Variants in HEY2 observed in about 807,000 individuals in gnomAD.
HEY2 encodes hairy/enhancer-of-split related with YRPW motif protein 2.
A neutral mutation model predicts 18.1 loss-of-function variants in HEY2; 10 were observed. The ratio of observed to expected loss-of-function variants is 0.55; its 90% CI spans 0.34 to 0.94. HEY2 has a LOEUF of 0.94. Among genes scored for constraint, HEY2 ranks in the 40% least tolerant of loss-of-function variants. The pLI is 0.02. For synonymous variants in HEY2, 210 were observed against 182.7 expected (o/e 1.15, Z -1.21); for missense variants, 455 against 455.9 (o/e 1.00, Z 0.02).
rs1011191373 is a variant in HEY2, at chr6:125,760,158, G to T, written c.*356G>T. On this transcript the variant is annotated 3_prime_UTR_variant, in exon 5 of 5. Transcript: ENST00000368364. ...GACTGAATTCTCTTGAGACTAGATGGGACATACATATATAGAGAGAGAGTG... is the reference window on the plus strand; with the variant it reads ...GACTGAATTCTCTTGAGACTAGATGTGACATACATATATAGAGAGAGAGTG... 3.3e-5 allele frequency: 9 copies of T among 275,868 alleles called. No homozygotes were observed. The highest frequency in any genetic ancestry group is 6.2e-5 in the Non-Finnish European group (9 of 145,078). 17.1% of individuals were successfully genotyped at this position (275,868 alleles called of 1,614,324 possible).
rs749983444 is a variant in HEY2 at position 125,759,771 on chromosome 6, G to T, written c.983G>T (p.Arg328Leu). 6.2e-7 allele frequency: 1 copy of T among 1,613,902 alleles called. No homozygotes were observed. Among genetic ancestry groups the T allele is most frequent in the Admixed American group, 1.7e-5 (1 of 60,012 alleles). ...AGTGGAACAAACAATAAACCTTACC[G>T]ACCCTGGGGGACAGAAGTTGGAGCT... ...TSSGTNNKPYRPWGTEVGAF is the reference protein window; with the variant it reads ...TSSGTNNKPYLPWGTEVGAF Residue 328 changes from arginine (R) to leucine (L), a missense_variant, in exon 5 of 5, where the codon CGA becomes CTA. By Grantham distance (102) the Arg-to-Leu change is moderately radical. Transcript: ENST00000368364.
Position 125,759,364 on chromosome 6 carries a change from G to T in HEY2, c.576G>T (p.Leu192=). The T allele has an allele frequency of 1.9e-6, 3 of 1,605,352 alleles. No homozygotes were observed. The East Asian group carries it at 6.7e-5, about 36-fold the overall frequency. ...ACTGGGCCGCCGCCTTCCACCACCT[G>T]CCCGCAGCCCTGCTCCAGCCCAACG... ...PHHWAAAFHH[L]PAALLQPNGL... is the part of the protein sequence containing the mutation. Residue 192 remains leucine, a synonymous_variant, in exon 5 of 5, where the codon CTG becomes CTT. Transcript: ENST00000368364.
In HEY2 at chr6:125,754,495, T is replaced by C. The variant is rs775787936; in HGVS notation, c.277T>C (p.Leu93=). ...TGCAAAGTTAGAAAAAGCTGAAATA[T>C]TGCAAATGACAGTGGATCATTTGAA... The part of the protein sequence containing the change: ...GSAKLEKAEI[L]QMTVDHLKML... Residue 93 remains leucine, a synonymous_variant, in exon 4 of 5, where the codon TTG becomes CTG. Transcript: ENST00000368364. 6.2e-7 allele frequency: 1 copy of C among 1,603,502 alleles called. No individual in the cohort carries two copies. Among genetic ancestry groups the C allele is most frequent in the Non-Finnish European group, 8.5e-7 (1 of 1,174,150 alleles).
At position 125,749,842 on chromosome 6, in the gene HEY2, C is replaced by G; in HGVS notation, c.66C>G (p.Ser22Arg). The change falls in exon 1 of 5, where the codon AGC (serine) becomes AGG (arginine). Residue 22 changes from serine (S) to arginine (R), a missense_variant. By Grantham distance (110) the Ser-to-Arg change is moderately radical (BLOSUM62 -1). Coordinates refer to ENST00000368364, the MANE Select transcript of HEY2 (RefSeq NM_012259.3). ...TGGACGAGACCATCGACGTGGGGAG[C>G]GAGAACAATTACTCGGGGTGAGCGC... ...SDMDETIDVG[S>R]ENNYSGQSTS... is the part of the protein sequence containing the mutation. 6.3e-7 allele frequency: 1 copy of G among 1,580,398 alleles called. No individual in the cohort carries two copies.
Position 125,749,819 on chromosome 6 carries a change from G to A in HEY2, c.43G>A (p.Asp15Asn). 6.3e-7 allele frequency: 1 copy of A among 1,586,530 alleles called. No individual in the cohort carries two copies. Among genetic ancestry groups the A allele is most frequent in the Non-Finnish European group, 8.6e-7 (1 of 1,166,958 alleles). Residue 15 changes from aspartate (D) to asparagine (N), a missense_variant, in exon 1 of 5, where the codon GAC (aspartate) becomes AAC (asparagine). By Grantham distance (23) the Asp-to-Asn change is conservative (BLOSUM62 1). Coordinates refer to ENST00000368364, the MANE Select transcript of HEY2 (RefSeq NM_012259.3). ...GGAGACGACCTCCGAGAGCGACATG[G>A]ACGAGACCATCGACGTGGGGAGCGA... ...CEETTSESDM[D>N]ETIDVGSENN...
intron 1 of HEY2, among the ~76,000 whole-genome samples, 184 bp from the exon 2 acceptor site, chr6:125,751,614 ATTT>A (rs1773544118): frequency 6.6e-6 from 1 of 152,206 alleles, no homozygotes; most frequent in African/African-American, 2.4e-5. Context: ...TTAAGGCGTA[ATTT>A]TTACCTGAAA....
intron 1 of HEY2, 105 bp from the exon 2 acceptor site, chr6:125,751,696 C>T (rs1773545625): frequency 1.3e-5 from 10 of 749,920 alleles, no homozygotes; most frequent in Middle Eastern, 3.9e-4. Context: ...ATAACACAGA[C>T]TTGAACTGTG....
Position 125,753,479 on chromosome 6 carries a change from T to C in HEY2, c.247-986T>C, listed in dbSNP as rs180839076. Among the ~76,000 whole-genome samples, 313 of 152,230 alleles carry C rather than the reference T, an allele frequency of 2.1e-3. 2 individuals carry two copies. The highest frequency in any genetic ancestry group is 3.5e-3 in the South Asian group (17 of 4,812). ...GTGTTCTTTAGAGCAGTTAAGTAAC[T>C]CTGGCACTCTCACCGTACGTGGTGC... is the stretch of plus-strand genomic sequence containing the variant. On this transcript the variant is annotated intron_variant, in intron 3 of 4. Transcript: ENST00000368364.
At chr6:125,752,528 A>G (rs1045422013) in intron 3 of HEY2, among the ~76,000 whole-genome samples, 8 of 151,744 alleles carry the variant, frequency 5.3e-5, no homozygotes, top group African/African-American at 1.9e-4. Context: ...CTCTAGCTCT[A>G]TTTCCTAAAT....
chr6:125,753,772 G>A (rs570526419), intron 3 of HEY2, among the ~76,000 whole-genome samples: 1 of 152,108 alleles, frequency 6.6e-6, no homozygotes, highest in Non-Finnish European at 1.5e-5. Flanking sequence ...AAATCCTTAA[G>A]CATTTATGAT....
intron 1 of HEY2, 40 bp downstream of exon 1, chr6:125,749,899 G>A (rs1232880130): frequency 2.7e-6 from 4 of 1,481,380 alleles, no homozygotes; most frequent in South Asian, 2.4e-5. Flanking sequence ...CAGCTCGGGA[G>A]CTTGGGGTAG....
intron 4 of HEY2, among the ~76,000 whole-genome samples, chr6:125,756,927 TATC>T (rs1309140331): frequency 3.9e-5 from 6 of 152,338 alleles, no homozygotes; most frequent in African/African-American, 7.2e-5. Flanking sequence ...GGGAGCTACT[TATC>T]ATCATTTCCC....
At chr6:125,755,324 A>G (rs1414766488) in intron 4 of HEY2, among the ~76,000 whole-genome samples, 2 of 152,198 alleles carry the variant, frequency 1.3e-5, no homozygotes, top group East Asian at 1.9e-4. Flanking sequence ...CCACTTACAC[A>G]TCACAACTCA....
chr6:125,749,955 C>A lies in HEY2; in HGVS notation c.83+96C>A. On this transcript the variant is annotated intron_variant, in intron 1 of 4. Coordinates refer to ENST00000368364, the MANE Select transcript of HEY2 (RefSeq NM_012259.3). ...CTGGAAATCCCGAGGCTGGTCTCCGCAGCATCTAGGTAGAGAGGGAAAGTT... is the reference window on the plus strand; with the variant it reads ...CTGGAAATCCCGAGGCTGGTCTCCGAAGCATCTAGGTAGAGAGGGAAAGTT... 4 of 1,051,490 alleles carry A rather than the reference C, an allele frequency of 3.8e-6. 1 individual carries two copies. In the South Asian group the frequency reaches 5.4e-5, roughly 14 times the overall value. The allele number at this position is 1,051,490 out of a possible 1,614,324, so 65.1% of individuals were successfully genotyped here.
Position 125,753,170 on chromosome 6 carries a change from T to A in HEY2, c.246+1080T>A, listed in dbSNP as rs79960200. On this transcript the variant is annotated intron_variant, in intron 3 of 4. Transcript: ENST00000368364. ...AAAAATAATGTGGAAATTGTAGTTTTGATTAGTAGCATTTTCAGTGCCAAA... is the reference window on the plus strand; with the variant it reads ...AAAAATAATGTGGAAATTGTAGTTTAGATTAGTAGCATTTTCAGTGCCAAA... Among the ~76,000 whole-genome samples, 672 of 152,376 alleles carry A rather than the reference T, an allele frequency of 4.4e-3. 1 individual carries two copies. The highest frequency in any genetic ancestry group is 7.7e-3 in the Non-Finnish European group (527 of 68,032).
At chr6:125,752,137 C>G (rs761635639) in intron 3 of HEY2, 47 bp downstream of exon 3, 3 of 1,166,348 alleles carry the variant, frequency 2.6e-6, no homozygotes, top group African/African-American at 1.6e-5. Flanking sequence ...CCGCCACCCC[C>G]CAAAAAAAAG....
Position 125,759,658 on chromosome 6 carries a change from C to G in HEY2, c.870C>G (p.Pro290=). 1 of 1,611,842 alleles carries G rather than the reference C, an allele frequency of 6.2e-7. No individual in the cohort carries two copies. The highest frequency in any genetic ancestry group is 8.5e-7 in the Non-Finnish European group (1 of 1,179,972). Reference sequence around the variant, plus strand: ...TCGCGGGGGCATTCCCCATGCTTCCCCCAAACGCAGCAGCAGCAGTGGCCG... The same window carrying G: ...TCGCGGGGGCATTCCCCATGCTTCCGCCAAACGCAGCAGCAGCAGTGGCCG... ...LSFAGAFPML[P]PNAAAAVAAA... Residue 290 remains proline (P), a synonymous_variant, in exon 5 of 5, where the codon CCC becomes CCG. Coordinates refer to ENST00000368364, the MANE Select transcript of HEY2 (RefSeq NM_012259.3).
chr6:125,751,985 G>C (rs1773552347), intron 2 of HEY2, 22 bp from the exon 3 acceptor site: 1 of 1,605,424 alleles, frequency 6.2e-7, no homozygotes, highest in African/African-American at 1.3e-5. Flanking sequence ...ATAAACTTTT[G>C]TTGTTTGCTT....
Position 125,759,301 on chromosome 6 carries a change from C to A in HEY2, c.513C>A (p.Ser171=). The part of the protein sequence containing the change: ...ATQREAAAMT[S]SMAHHHHPLH... ...AGCGGGAGGCGGCGGCCATGACATC[C>A]TCCATGGCCCACCACCATCATCCGC... is the stretch of plus-strand genomic sequence containing the variant. The change falls in exon 5 of 5, where the codon TCC becomes TCA. Residue 171 remains serine, a synonymous_variant. Transcript: ENST00000368364. The A allele has an allele frequency of 6.2e-7, 1 of 1,605,934 alleles. No homozygotes were observed. The highest frequency in any genetic ancestry group is 1.3e-5 in the African/African-American group (1 of 75,044).
Sources: allele counts gnomAD v4.1 joint callset (sites outside exome capture counted in the v4.1 genomes callset), GRCh38; gene constraint gnomAD v4.1.1; transcripts MANE v1.5; gene names NCBI Gene and HGNC (gene_info 2026-07-23, HGNC 2026-07-21).